The following CCDC57 variants were observed in gnomAD, a reference collection of about 807,000 sequenced individuals.
CCDC57 encodes the protein coiled-coil domain-containing protein 57.
A neutral mutation model predicts 118.9 loss-of-function variants in CCDC57; 118 were observed. The ratio of observed to expected loss-of-function variants is 0.99; its 90% CI spans 0.86 to 1.16. The LOEUF (loss-of-function observed/expected upper bound fraction) is 1.16, where lower values mean the gene tolerates loss of function less well. CCDC57 is among the 50% of genes most tolerant of loss of function. The pLI is 0.00. For missense variants in CCDC57, 1,300 were observed against 1,320.7 expected (o/e 0.98, Z 0.24); for synonymous variants, 527 against 532.9 (o/e 0.99, Z 0.15).
At chr17:82,202,704 C>A (rs368091789) in intron 2 of CCDC57, among the ~76,000 whole-genome samples, 1 of 151,842 alleles carries the variant, frequency 6.6e-6, no homozygotes, top group African/African-American at 2.4e-5. Flanking sequence ...GAGCAGAGAT[C>A]GCACCATTGC....
At chr17:82,205,221 T>G (rs1261937961) in intron 2 of CCDC57, among the ~76,000 whole-genome samples, 2 of 152,120 alleles carry the variant, frequency 1.3e-5, no homozygotes, top group African/African-American at 4.8e-5. Flanking sequence ...TGCCCGTGAG[T>G]CATGACAACG....
chr17:82,157,388 G>T, intron 15 of CCDC57: 1 of 1,135,820 alleles, frequency 8.8e-7, no homozygotes, highest in Non-Finnish European at 1.1e-6. Context: ...GCACGCAGAC[G>T]CCCCCTCAGC....
exon 11 of CCDC57, chr17:82,178,557 C>T: frequency 6.2e-7 from 1 of 1,613,630 alleles, no homozygotes; most frequent in Non-Finnish European, 8.5e-7. Flanking sequence ...TTCAGCACCA[C>T]CTCCTGCTCC....
At chr17:82,134,224 C>T (rs2038838449) in intron 16 of CCDC57, 30 bp from the exon 16 acceptor site, 3 of 1,288,588 alleles carry the variant, frequency 2.3e-6, no homozygotes, top group Non-Finnish European at 3.0e-6. Context: ...AGAGTTTGTT[C>T]TCTGTGCATC....
chr17:82,153,986 T>G (rs2042373899), intron 15 of CCDC57: 1 of 152,384 alleles, frequency 6.6e-6, no homozygotes, highest in South Asian at 2.1e-4. Context: ...GGGCCGGCGC[T>G]CACCGCCCCA....
intron 19 of CCDC57, among the ~76,000 whole-genome samples, chr17:82,116,811 A>G (rs2035976371): frequency 6.6e-6 from 1 of 152,168 alleles, no homozygotes; most frequent in Admixed American, 6.5e-5. Context: ...CATTCCCATT[A>G]TGTGTATCTG....
At chr17:82,169,061 C>A (rs570602007) in intron 13 of CCDC57, among the ~76,000 whole-genome samples, 1 of 152,096 alleles carries the variant, frequency 6.6e-6, no homozygotes, top group East Asian at 1.9e-4. Context: ...TAGCTAGGGG[C>A]GATAATGCAA....
At chr17:82,155,854 C>A (rs2042609996) in intron 15 of CCDC57, 1 of 152,368 alleles carries the variant, frequency 6.6e-6, no homozygotes, top group African/African-American at 2.4e-5. Flanking sequence ...GATGCTCAGA[C>A]CCAGGAGGAG....
At chr17:82,208,958 G>GC (rs1318106888) in intron 1 of CCDC57, among the ~76,000 whole-genome samples, 1 of 151,936 alleles carries the variant, frequency 6.6e-6, no homozygotes, top group Non-Finnish European at 1.5e-5. Flanking sequence ...AGCCTCGAAT[G>GC]CCCATCTAAA....
rs1427811851 is a variant in CCDC57, at chr17:82,184,045, A to G, written c.1053-113T>C. 239 of 537,372 alleles carry G rather than the reference A, an allele frequency of 4.4e-4. 1 individual carries two copies. Among genetic ancestry groups the G allele is most frequent in the Middle Eastern group, 8.5e-4 (3 of 3,510 alleles). 33.3% of individuals were successfully genotyped at this position (537,372 alleles called of 1,614,324 possible). Reference sequence around the variant, plus strand: ...CGCGCGCGCGCGCACACACACACACACACACACACACACACACACACACAC... The same window carrying G: ...CGCGCGCGCGCGCACACACACACACGCACACACACACACACACACACACAC... On this transcript the variant is annotated intron_variant, in intron 8 of 19. Transcript: ENST00000665763.
chr17:82,147,644 G>GATA, intron 16 of CCDC57, among the ~76,000 whole-genome samples: 1 of 147,438 alleles, frequency 6.8e-6, no homozygotes, highest in Non-Finnish European at 1.5e-5. Context: ...TGGATGGATG[G>GATA]GTGGATGGAT....
chr17:82,140,955 G>A (rs2039924817), intron 16 of CCDC57, among the ~76,000 whole-genome samples: 1 of 147,856 alleles, frequency 6.8e-6, no homozygotes, highest in African/African-American at 2.5e-5. Flanking sequence ...CTAGCCTCAG[G>A]ACAGCAAGCA....
At chr17:82,129,421 T>C (rs1421254191) in intron 17 of CCDC57, among the ~76,000 whole-genome samples, 1 of 152,198 alleles carries the variant, frequency 6.6e-6, no homozygotes, top group African/African-American at 2.4e-5. Context: ...GGACAATAGA[T>C]GGCCTGCAAG....
chr17:82,132,043 G>C (rs186183540), intron 17 of CCDC57, among the ~76,000 whole-genome samples: 90 of 150,714 alleles, frequency 6.0e-4, no homozygotes, highest in Middle Eastern at 3.4e-3. Flanking sequence ...GCGTGAACTC[G>C]GGAGGCGGAG....
At chr17:82,157,361 G>A in intron 15 of CCDC57, 1 of 896,714 alleles carries the variant, frequency 1.1e-6, no homozygotes, top group Non-Finnish European at 1.4e-6. Flanking sequence ...CGCTAGGCAT[G>A]GGGCAGGCAT....
chr17:82,183,661 C>T (rs2046476222), intron 9 of CCDC57, 113 bp downstream of exon 8: 5 of 1,052,504 alleles, frequency 4.8e-6, no homozygotes, highest in Admixed American at 5.6e-5. Context: ...CTTTCTCCCC[C>T]AAGAAAATGT....
At chr17:82,101,574 T>C in exon 20 of CCDC57, 1 of 969,076 alleles carries the variant, frequency 1.0e-6, no homozygotes, top group Non-Finnish European at 1.5e-6. Context: ...GCTCCCTGCC[T>C]CCACCCTGCA....
At chr17:82,167,064 G>C (rs1418559033) in intron 13 of CCDC57, among the ~76,000 whole-genome samples, 2 of 152,134 alleles carry the variant, frequency 1.3e-5, no homozygotes, top group African/African-American at 2.4e-5. Context: ...CTGAAGAACA[G>C]AGGAAAAGAA....
At position 82,184,027 on chromosome 17, in the gene CCDC57, G is replaced by GCACACACACA. The variant is rs759711817; in HGVS notation, c.1053-96_1053-95insTGTGTGTGTG. 862 of 327,922 alleles carry GCACACACACA rather than the reference G, an allele frequency of 2.6e-3. 4 individuals are homozygous for GCACACACACA. The highest frequency in any genetic ancestry group is 6.9e-3 in the East Asian group (100 of 14,570). The allele number at this position is 327,922 out of a possible 1,614,324, so 20.3% of individuals were successfully genotyped here. A position where few individuals can be genotyped will look rare whatever the true frequency, so the allele number is the denominator to read the frequency against. The stretch of plus-strand genomic sequence containing the variant: ...CCAGCAAATACACATGCGCGCGCGC[G>GCACACACACA]CGCGCACACACACACACACACACAC... On this transcript the variant is annotated intron_variant, in intron 8 of 19. Transcript: ENST00000665763.
Sources: gnomAD v4.1 joint callset for allele counts (sites outside exome capture counted in the v4.1 genomes callset) on GRCh38, gnomAD v4.1.1 for gene constraint, MANE v1.5 for transcripts, NCBI Gene and HGNC (gene_info 2026-07-23, HGNC 2026-07-21) for gene names.